Variants in DENND5A observed in about 807,000 individuals in gnomAD.
The protein encoded by DENND5A is DENN domain containing 5A.
DENND5A carries 64 observed loss-of-function variants against 140.3 expected under a neutral mutation model. The observed-to-expected ratio is 0.46, with a 90% CI of 0.37 to 0.56. The LOEUF is 0.56. Ranked by LOEUF, DENND5A falls within the 20% of genes least tolerant of loss-of-function variation. The pLI, the probability that DENND5A is intolerant of heterozygous loss-of-function variation, is 0.00. For synonymous variants in DENND5A, 605 were observed against 607.7 expected (o/e 1.00, Z 0.07); for missense variants, 1,292 against 1,593.8 (o/e 0.81, Z 3.22).
intron 3 of DENND5A, among the ~76,000 whole-genome samples, chr11:9,204,652 C>T (rs932756011): frequency 6.6e-6 from 1 of 152,114 alleles, no homozygotes; most frequent in African/African-American, 2.4e-5. Flanking sequence ...CGCTTGAGGC[C>T]AGCAGTTCAA....
At position 9,142,865 on chromosome 11, in the gene DENND5A, A is replaced by C. The variant is rs1847292709; in HGVS notation, c.3388-20T>G. The C allele has an allele frequency of 6.2e-7, 1 of 1,613,188 alleles. No individual in the cohort carries two copies. Among genetic ancestry groups the C allele is most frequent in the Admixed American group, 1.7e-5 (1 of 59,948 alleles). On this transcript the variant is annotated intron_variant, in intron 20 of 22. Transcript: ENST00000328194. The stretch of plus-strand genomic sequence containing the variant: ...GCCTCGCTACGTAAGGAAACAGGGG[A>C]GGGTGCCAGGCTTGTCTCAGCCGAG...
At chr11:9,243,282 G>C (rs1590328213) in intron 1 of DENND5A, among the ~76,000 whole-genome samples, 1 of 152,016 alleles carries the variant, frequency 6.6e-6, no homozygotes, top group African/African-American at 2.4e-5. Context: ...TCTTCTAGTA[G>C]ATAAAATTCA....
chr11:9,251,086 G>C (rs939031850), intron 1 of DENND5A, among the ~76,000 whole-genome samples: 13 of 143,876 alleles, frequency 9.0e-5, no homozygotes, highest in African/African-American at 3.4e-4. Flanking sequence ...AGTGCGCTGA[G>C]ATCAAGCCAC....
chr11:9,222,385 T>C (rs1443118803), intron 1 of DENND5A, among the ~76,000 whole-genome samples: 1 of 152,230 alleles, frequency 6.6e-6, no homozygotes, highest in Non-Finnish European at 1.5e-5. Flanking sequence ...ATCTAGTCAG[T>C]GTTCAAATTT....
intron 1 of DENND5A, among the ~76,000 whole-genome samples, chr11:9,260,139 C>T (rs879754938): frequency 2.0e-5 from 3 of 151,726 alleles, no homozygotes; most frequent in Non-Finnish European, 4.4e-5. Context: ...TCCCTAGCCA[C>T]TTCTCTTCAA....
At chr11:9,207,029 A>T in intron 2 of DENND5A, 1 of 511,326 alleles carries the variant, frequency 2.0e-6, no homozygotes. Context: ...TGAAATTACT[A>T]CTCAAACCCA....
rs1490126993 is a variant in DENND5A, at chr11:9,145,788, G to A, written c.2885C>T (p.Pro962Leu). 1 of 1,614,070 alleles carries A rather than the reference G, an allele frequency of 6.2e-7. No homozygotes were observed. The highest frequency in any genetic ancestry group is 1.3e-5 in the African/African-American group (1 of 74,914). Residue 962 changes from proline (P) to leucine (L), a missense_variant, in exon 17 of 23, where the codon CCA becomes CTA. Pro to Leu is a moderately conservative substitution (Grantham distance 98). Coordinates refer to ENST00000328194, the MANE Select transcript of DENND5A (RefSeq NM_015213.4). Reference protein sequence around the residue: ...ILIPYHILIVPSKKLGGSMFT... With the variant: ...ILIPYHILIVLSKKLGGSMFT... Reference sequence around the variant, plus strand: ...CATGGAGCCCCCCAGCTTCTTGCTTGGTACGATCAGAATGTGGTACGGGAT... The same window carrying A: ...CATGGAGCCCCCCAGCTTCTTGCTTAGTACGATCAGAATGTGGTACGGGAT...
intron 11 of DENND5A, among the ~76,000 whole-genome samples, chr11:9,165,249 C>T (rs1238833175): frequency 2.6e-5 from 4 of 152,144 alleles, no homozygotes; most frequent in Non-Finnish European, 5.9e-5. Flanking sequence ...ATCTGCCTGC[C>T]TCAGCCTCCC....
chr11:9,166,978 C>T (rs7394938), intron 10 of DENND5A, among the ~76,000 whole-genome samples: 9,037 of 152,064 alleles, frequency 0.059, 372 homozygotes, highest in South Asian at 0.11. Flanking sequence ...AATTTAACTC[C>T]TCTGCCCGTA....
chr11:9,177,234 ACTGAGTGAGACC>A (rs1848572750), intron 8 of DENND5A, among the ~76,000 whole-genome samples: 2 of 150,288 alleles, frequency 1.3e-5, no homozygotes, highest in Non-Finnish European at 3.0e-5. Context: ...AGCCTAGGCA[ACTGAGTGAGACC>A]CTGTCTCGAA....
intron 1 of DENND5A, among the ~76,000 whole-genome samples, chr11:9,231,550 T>C (rs1436553685): frequency 1.3e-5 from 2 of 151,990 alleles, no homozygotes; most frequent in African/African-American, 4.8e-5. Context: ...ACTCCATCTC[T>C]ACTAAAAATA....
At chr11:9,264,794 C>G (rs2136315111) in intron 1 of DENND5A, among the ~76,000 whole-genome samples, 167 bp downstream of exon 1, 1 of 152,320 alleles carries the variant, frequency 6.6e-6, no homozygotes, top group East Asian at 1.9e-4. Flanking sequence ...AGCCCCTCAT[C>G]CGTTTCCCCC....
intron 6 of DENND5A, among the ~76,000 whole-genome samples, chr11:9,180,436 G>A (rs1201758232): frequency 3.3e-5 from 5 of 152,178 alleles, no homozygotes; most frequent in Admixed American, 3.3e-4. Context: ...CTGAGTGACA[G>A]AGTAAGAACC....
intron 1 of DENND5A, among the ~76,000 whole-genome samples, chr11:9,227,194 A>G (rs1329342376): frequency 7.3e-6 from 1 of 137,488 alleles, no homozygotes; most frequent in East Asian, 2.0e-4. Context: ...ATAAATAAAT[A>G]AATAAATAAA....
chr11:9,162,831 C>A (rs1012911908), intron 11 of DENND5A, among the ~76,000 whole-genome samples: 2 of 151,264 alleles, frequency 1.3e-5, no homozygotes, highest in South Asian at 4.2e-4. Flanking sequence ...CCCGCAGTAG[C>A]TGGGACTATA....
intron 1 of DENND5A, among the ~76,000 whole-genome samples, chr11:9,247,756 C>T (rs963768674): frequency 7.9e-5 from 12 of 152,052 alleles, no homozygotes; most frequent in Admixed American, 5.9e-4. Context: ...CTTTTCAGAC[C>T]TTAAAAGGTA....
chr11:9,204,353 A>G (rs1283402005), intron 3 of DENND5A, 36 bp from the exon 4 acceptor site: 1 of 1,572,730 alleles, frequency 6.4e-7, no homozygotes, highest in Admixed American at 1.7e-5. Context: ...CAGTGAGAAC[A>G]CTCACTGGCG....
intron 3 of DENND5A, 52 bp from the exon 4 acceptor site, chr11:9,204,369 C>A: frequency 1.3e-6 from 2 of 1,526,382 alleles, no homozygotes; most frequent in South Asian, 1.2e-5. Context: ...TGGCGATCCT[C>A]TTTCAGAACA....
At chr11:9,150,542 A>G in intron 14 of DENND5A, 138 bp downstream of exon 14, 1 of 650,896 alleles carries the variant, frequency 1.5e-6, no homozygotes, top group Non-Finnish European at 2.7e-6. Context: ...ATGAAACACA[A>G]GGCTTTGTGA....
Sources: gnomAD v4.1 joint callset for allele counts (sites outside exome capture counted in the v4.1 genomes callset) on GRCh38, gnomAD v4.1.1 for gene constraint, MANE v1.5 for transcripts, NCBI Gene and HGNC (gene_info 2026-07-23, HGNC 2026-07-21) for gene names.